ALDH4A1: variants seen among roughly 807,000 people sequenced by gnomAD.
ALDH4A1 encodes aldehyde dehydrogenase 4 family member A1.
ALDH4A1 carries 46 observed loss-of-function variants against 70.5 expected under a neutral mutation model. The ratio of observed to expected loss-of-function variants is 0.65; its 90% CI spans 0.51 to 0.83. ALDH4A1 has a LOEUF of 0.83. Ranked by LOEUF, ALDH4A1 falls within the 40% of genes least tolerant of loss-of-function variation. The pLI is 0.00. For missense variants in ALDH4A1, 749 were observed against 766.5 expected, an observed-to-expected ratio of 0.98 and a Z score of 0.27; for synonymous variants, 323 against 324.3, an observed-to-expected ratio of 1.00 and a Z score of 0.04.
rs139487658 is a variant in ALDH4A1 at position 18,885,556 on chromosome 1, G to T, written c.370C>A (p.Arg124=). ...GCCGCCTTCAGGAAGATCTGGGCCC[G>T]GTCTGCAATAGGCTTCAGGTCCCAC... ...KEWDLKPIAD[R]AQIFLKAADM... The change falls in exon 5 of 15, where the codon CGG becomes AGG. Residue 124 remains arginine (R), a synonymous_variant. Coordinates refer to ENST00000375341, the MANE Select transcript of ALDH4A1 (RefSeq NM_003748.4). 3.7e-6 allele frequency: 6 copies of T among 1,612,532 alleles called. No homozygotes were observed. The African/African-American group carries it at 8.0e-5, about 22-fold the overall frequency.
chr1:18,877,610 A>G lies in ALDH4A1; in HGVS notation c.943T>C (p.Cys315Arg). 1 of 658,656 alleles carries G rather than the reference A, an allele frequency of 1.5e-6. No individual in the cohort carries two copies. The highest frequency in any genetic ancestry group is 2.7e-6 in the Non-Finnish European group (1 of 369,288). 40.8% of individuals were successfully genotyped at this position (658,656 alleles called of 1,614,324 possible). A position where few individuals can be genotyped will look rare whatever the true frequency, so the allele number is the denominator to read the frequency against. ...ACGAAGTGGAAGTTCTTTCCGCCGC[A>G]CTCTACAGGGGTCGGGGGTGGGGAA... The part of the protein sequence containing the change: ...FHTFPRLAGE[C>R]GGKNFHFVHR... Residue 315 changes from cysteine (C) to arginine (R), a missense_variant and splice_region_variant, in exon 10 of 15, where the codon TGC becomes CGC. Transcript: ENST00000375341.
intron 14 of ALDH4A1, 145 bp downstream of exon 14, chr1:18,874,318 G>T: frequency 1.3e-6 from 1 of 753,198 alleles, no homozygotes; most frequent in Non-Finnish European, 2.3e-6. Flanking sequence ...TTGCTGAAAG[G>T]ACCCTGAGCT....
rs547964472 is a variant in ALDH4A1, at chr1:18,887,278, G to A, written c.250-767C>T. 4.6e-5 allele frequency among the ~76,000 whole-genome samples: 7 copies of A among 152,382 alleles called. No individual in the cohort carries two copies. The East Asian group carries it at 5.8e-4, about 13-fold the overall frequency. On this transcript the variant is annotated intron_variant, in intron 3 of 14. Transcript: ENST00000375341. Reference sequence around the variant, plus strand: ...AACCATCCGGCTCAGCCGCCTGACCGCAAGGCGGACGAAGGCCCACCTAAA... The same window carrying A: ...AACCATCCGGCTCAGCCGCCTGACCACAAGGCGGACGAAGGCCCACCTAAA...
chr1:18,889,327 G>C (rs550080907), intron 3 of ALDH4A1, 35 bp downstream of exon 3: 4 of 1,526,204 alleles, frequency 2.6e-6, no homozygotes, highest in Non-Finnish European at 3.6e-6. Context: ...CATATTCAGG[G>C]GAGGGGCTGA....
At chr1:18,876,839 C>T (rs28493067) in intron 11 of ALDH4A1, among the ~76,000 whole-genome samples, 53,974 of 152,032 alleles carry the variant, frequency 0.36, 10,480 homozygotes, top group East Asian at 0.72. Context: ...GTGGACTTAT[C>T]GACATATGCG....
At chr1:18,876,099 C>G (rs1277892789) in intron 12 of ALDH4A1, among the ~76,000 whole-genome samples, 1 of 152,166 alleles carries the variant, frequency 6.6e-6, no homozygotes, top group African/African-American at 2.4e-5. Context: ...ATGCTCAGAC[C>G]CCAGCCAGGG....
chr1:18,875,910 G>A (rs910832274), intron 12 of ALDH4A1, among the ~76,000 whole-genome samples: 4 of 152,212 alleles, frequency 2.6e-5, no homozygotes, highest in African/African-American at 9.7e-5. Context: ...GCACACTCCA[G>A]CCCTGCACTA....
rs1260962583 is a variant in ALDH4A1 at position 18,885,839 on chromosome 1, G to A, written c.298-211C>T. On this transcript the variant is annotated intron_variant, in intron 4 of 14. Coordinates refer to ENST00000375341, the MANE Select transcript of ALDH4A1 (RefSeq NM_003748.4). ...TGCCAGTCTGAAGCCTGAAGGGCCC[G>A]GCCAGGTTGGTCAGCTCTCCGAGGC... Among the ~76,000 whole-genome samples, 7 of 152,304 alleles carry A rather than the reference G, an allele frequency of 4.6e-5. No individual in the cohort carries two copies. In the East Asian group the frequency reaches 1.2e-3, roughly 25 times the overall value.
chr1:18,885,447 C>G, intron 5 of ALDH4A1, 26 bp downstream of exon 5: 1 of 1,178,960 alleles, frequency 8.5e-7, no homozygotes, highest in Non-Finnish European at 1.2e-6. Flanking sequence ...CCCCGCCCCA[C>G]CCACCCGGGC....
chr1:18,890,164 C>G (rs1024566805), intron 1 of ALDH4A1, 59 bp from the exon 2 acceptor site: 1 of 1,417,268 alleles, frequency 7.1e-7, no homozygotes, highest in African/African-American at 1.4e-5. Context: ...CACCACCAGA[C>G]CCCAGCCCCT....
intron 3 of ALDH4A1, among the ~76,000 whole-genome samples, chr1:18,888,555 C>T (rs1194377940): frequency 4.6e-5 from 7 of 152,244 alleles, no homozygotes; most frequent in African/African-American, 1.7e-4. Flanking sequence ...GCCATGCAGC[C>T]TCAGACGCCT....
At position 18,874,480 on chromosome 1, in the gene ALDH4A1, C is replaced by G. The variant is rs200711248; in HGVS notation, c.1562G>C (p.Gly521Ala). The change falls in exon 14 of 15, where the codon GGG becomes GCG. Residue 521 changes from glycine (G) to alanine (A), a missense_variant. By Grantham distance (60) the Gly-to-Ala change is moderately conservative (BLOSUM62 0). Transcript: ENST00000375341. ...TGSIVGQQPF[G>A]GARASGTNDK... ...CCACTCACCAGAGGCTCGGGCCCCC[C>G]CAAAGGGCTGCTGGCCCACTATCGA... The G allele has an allele frequency of 1.3e-4, 214 of 1,614,086 alleles. 1 individual carries two copies. The highest frequency in any genetic ancestry group is 6.0e-4 in the East Asian group (27 of 44,874).
rs1211513425 is a variant in ALDH4A1 at position 18,880,138 on chromosome 1, G to A, written c.867-765C>T. On this transcript the variant is annotated intron_variant, in intron 8 of 14. Coordinates refer to ENST00000375341, the MANE Select transcript of ALDH4A1 (RefSeq NM_003748.4). This position sits in a 1 kb window ranked among gnomAD's most constrained non-coding sequence, Gnocchi z 5.1. Reference sequence around the variant, plus strand: ...GCCTTTTGGAAAACGGCCCTTCTCAGCAGTTCTAACGCTGCCACCACCCAC... The same window carrying A: ...GCCTTTTGGAAAACGGCCCTTCTCAACAGTTCTAACGCTGCCACCACCCAC... 6.6e-6 allele frequency among the ~76,000 whole-genome samples: 1 copy of A among 152,122 alleles called. No individual in the cohort carries two copies. Among genetic ancestry groups the A allele is most frequent in the African/African-American group, 2.4e-5 (1 of 41,414 alleles).
intron 1 of ALDH4A1, 92 bp downstream of exon 1, chr1:18,902,370 G>T: frequency 9.1e-7 from 1 of 1,104,446 alleles, no homozygotes; most frequent in Non-Finnish European, 1.2e-6. Context: ...GTCCGGCAGG[G>T]AGGGAGTGCG....
In ALDH4A1 at chr1:18,878,747, A is replaced by AT. The variant is rs201307843; in HGVS notation, c.940+552dup. On this transcript the variant is annotated intron_variant, in intron 9 of 14. Coordinates refer to ENST00000375341, the MANE Select transcript of ALDH4A1 (RefSeq NM_003748.4). ...GAGAAGTTCTGCACGGGAGGAGTCCATTTTGCTTTAACACCACACATGCCA... is the reference window on the plus strand; with the variant it reads ...GAGAAGTTCTGCACGGGAGGAGTCCATTTTTGCTTTAACACCACACATGCCA... Among the ~76,000 whole-genome samples the AT allele has an allele frequency of 8.2e-3, 1,251 of 152,220 alleles. 23 individuals are homozygous for AT. The highest frequency in any genetic ancestry group is 0.028 in the African/African-American group (1,183 of 41,522).
intron 11 of ALDH4A1, 63 bp downstream of exon 11, chr1:18,877,145 C>T: frequency 1.9e-6 from 3 of 1,567,830 alleles, no homozygotes; most frequent in Non-Finnish European, 2.6e-6. Context: ...GTATCTCTTC[C>T]TCCCTCTTCC....
chr1:18,875,820 G>A lies in ALDH4A1; in HGVS notation c.1339-317C>T, dbSNP rs139159583. On this transcript the variant is annotated intron_variant, in intron 12 of 14. Transcript: ENST00000375341. The stretch of plus-strand genomic sequence containing the variant: ...GCTTCCAGCAGCAGCTGGCATGAGA[G>A]TTGCCCAGAGATACCATTCCCTCCA... Among the ~76,000 whole-genome samples the A allele has an allele frequency of 6.6e-3, 1,013 of 152,336 alleles. 8 individuals carry two copies. The highest frequency in any genetic ancestry group is 0.023 in the African/African-American group (950 of 41,574).
At chr1:18,900,088 C>T (rs1405655604) in intron 1 of ALDH4A1, among the ~76,000 whole-genome samples, 1 of 152,066 alleles carries the variant, frequency 6.6e-6, no homozygotes, top group Non-Finnish European at 1.5e-5. Context: ...TGGTACAATT[C>T]CAGGTGATTT....
At chr1:18,876,857 G>T (rs564584938) in intron 11 of ALDH4A1, among the ~76,000 whole-genome samples, 1 of 152,308 alleles carries the variant, frequency 6.6e-6, no homozygotes, top group Admixed American at 6.5e-5. Flanking sequence ...GCGTGTGTGT[G>T]CTTATGTGCA....
Sources: gnomAD v4.1 joint callset for allele counts (sites outside exome capture counted in the v4.1 genomes callset) on GRCh38, gnomAD v4.1.1 for gene constraint, Gnocchi (gnomAD v3.1) non-coding constraint, MANE v1.5 for transcripts, NCBI Gene and HGNC (gene_info 2026-07-23, HGNC 2026-07-21) for gene names.